Variants in OR2L3 observed in about 807,000 individuals in gnomAD.
OR2L3 encodes olfactory receptor family 2 subfamily L member 3.
For missense variants in OR2L3, 369 were observed against 376.6 expected (o/e 0.98, Z 0.17); for synonymous variants, 131 against 139.1 (o/e 0.94, Z 0.41).
chr1:248,052,517 A>G (rs1663293256), intron 1 of OR2L3, among the ~76,000 whole-genome samples: 1 of 152,142 alleles, frequency 6.6e-6, no homozygotes, highest in Admixed American at 6.6e-5. Context: ...TCACAAGGTA[A>G]GGAGGTTGAG....
Position 248,061,374 on chromosome 1 carries a change from A to G in OR2L3, c.693A>G (p.Glu231=), listed in dbSNP as rs773158881. Residue 231 remains glutamate, a synonymous_variant, in exon 2 of 2, where the codon GAA becomes GAG. Transcript: ENST00000359959. ...LLAVYHMKSA[E]GRKKAYLTCS... ...CTGTCTACCACATGAAATCTGCAGAAGGGAGGAAGAAAGCCTACCTGACCT... is the reference window on the plus strand; with the variant it reads ...CTGTCTACCACATGAAATCTGCAGAGGGGAGGAAGAAAGCCTACCTGACCT... 5 of 1,614,092 alleles carry G rather than the reference A, an allele frequency of 3.1e-6. No individual in the cohort carries two copies. The East Asian group carries it at 8.9e-5, about 29-fold the overall frequency.
intron 1 of OR2L3, among the ~76,000 whole-genome samples, chr1:248,058,413 A>G (rs901591302): frequency 1.3e-5 from 2 of 152,048 alleles, no homozygotes; most frequent in African/African-American, 4.8e-5. Context: ...CACTTCTCCC[A>G]TTGTCACAGC....
chr1:248,061,822 T>A lies in OR2L3; in HGVS notation c.*202T>A. The A allele has an allele frequency of 2.3e-6, 1 of 430,618 alleles. No homozygotes were observed. 26.7% of individuals were successfully genotyped at this position (430,618 alleles called of 1,614,324 possible). A position where few individuals can be genotyped will look rare whatever the true frequency, so the allele number is the denominator to read the frequency against. On this transcript the variant is annotated 3_prime_UTR_variant, in exon 2 of 2. Transcript: ENST00000359959. ...ACAACCTTTTTTCTTCATGGCATTG[T>A]TTCCATAAATTTTGAAAGCACCTAC...
At position 248,050,843 on chromosome 1, in the gene OR2L3, G is replaced by A. The variant is rs1481177456; in HGVS notation, c.-22+3963G>A. On this transcript the variant is annotated intron_variant, in intron 1 of 1. Transcript: ENST00000359959. Reference sequence around the variant, plus strand: ...TTCCAAATGACATTTATGAAAATTTGCTCTTCTAAATTTTTTTTCAAAAAT... The same window carrying A: ...TTCCAAATGACATTTATGAAAATTTACTCTTCTAAATTTTTTTTCAAAAAT... Among the ~76,000 whole-genome samples, 3 of 151,984 alleles carry A rather than the reference G, an allele frequency of 2.0e-5. No individual in the cohort carries two copies. In the East Asian group the frequency reaches 5.8e-4, roughly 29 times the overall value.
Position 248,062,809 on chromosome 1 carries a change from A to T in OR2L3, c.*1189A>T, listed in dbSNP as rs1286668278. 1 of 152,240 alleles carries T rather than the reference A, an allele frequency of 6.6e-6. No homozygotes were observed. The highest frequency in any genetic ancestry group is 2.4e-5 in the African/African-American group (1 of 41,466). The allele number at this position is 152,240 out of a possible 1,614,324, so 9.4% of individuals were successfully genotyped here. A position where few individuals can be genotyped will look rare whatever the true frequency, so the allele number is the denominator to read the frequency against. ...CCCCGATTAACCCGATTTGATCATT[A>T]TGCATTGTATGCCTTTATCAAAGCA... On this transcript the variant is annotated 3_prime_UTR_variant, in exon 2 of 2. Coordinates refer to ENST00000359959, the MANE Select transcript of OR2L3 (RefSeq NM_001004687.2).
chr1:248,047,222 C>G (rs1471323312), intron 1 of OR2L3, among the ~76,000 whole-genome samples: 1 of 152,158 alleles, frequency 6.6e-6, no homozygotes, highest in Non-Finnish European at 1.5e-5. Flanking sequence ...AGCATTTCCT[C>G]ATTCCTACTT....
intron 1 of OR2L3, among the ~76,000 whole-genome samples, chr1:248,060,118 T>G (rs1480293122): frequency 6.6e-6 from 1 of 152,196 alleles, no homozygotes; most frequent in African/African-American, 2.4e-5. Flanking sequence ...AATATAAATC[T>G]AAATGTATGC....
chr1:248,062,723 GAA>G lies in OR2L3; in HGVS notation c.*1105_*1106del, dbSNP rs1398979707. On this transcript the variant is annotated 3_prime_UTR_variant, in exon 2 of 2. Coordinates refer to ENST00000359959, the MANE Select transcript of OR2L3 (RefSeq NM_001004687.2). ...TTATTGTATGTATTAAAGAATAACT[GAA>G]AGAGTGGAATTGGAATGTTCCCAAC... 1 of 152,148 alleles carries G rather than the reference GAA, an allele frequency of 6.6e-6. No homozygotes were observed. The highest frequency in any genetic ancestry group is 1.5e-5 in the Non-Finnish European group (1 of 68,006). 9.4% of individuals were successfully genotyped at this position (152,148 alleles called of 1,614,324 possible).
At chr1:248,054,821 T>C (rs772230474) in intron 1 of OR2L3, among the ~76,000 whole-genome samples, 3 of 152,222 alleles carry the variant, frequency 2.0e-5, no homozygotes, top group Non-Finnish European at 4.4e-5. Flanking sequence ...AATTTGCTTA[T>C]CAGCTTAAGA....
At chr1:248,057,628 T>C (rs1463455263) in intron 1 of OR2L3, among the ~76,000 whole-genome samples, 1 of 152,188 alleles carries the variant, frequency 6.6e-6, no homozygotes, top group Non-Finnish European at 1.5e-5. Context: ...TTGATAAATA[T>C]ATAGGATGCA....
At position 248,061,327 on chromosome 1, in the gene OR2L3, T is replaced by G. The variant is rs1474374348; in HGVS notation, c.646T>G (p.Ser216Ala). The change falls in exon 2 of 2, where the codon TCC becomes GCC. Residue 216 changes from serine to alanine, a missense_variant. Physicochemically the swap from Ser to Ala is moderately conservative, Grantham distance 99. Transcript: ENST00000359959. ...GTTTCCCTTCATTGCTATTTCATGT[T>G]CCTATGGCCGGGTTCTCCTTGCTGT... is the stretch of plus-strand genomic sequence containing the variant. ...LVFPFIAISC[S>A]YGRVLLAVYH... is the part of the protein sequence containing the mutation. 16 of 1,613,832 alleles carry G rather than the reference T, an allele frequency of 9.9e-6. No individual in the cohort carries two copies. Among genetic ancestry groups the G allele is most frequent in the Non-Finnish European group, 1.4e-5 (16 of 1,179,994 alleles).
At chr1:248,053,543 A>G (rs1002378572) in intron 1 of OR2L3, among the ~76,000 whole-genome samples, 3 of 152,334 alleles carry the variant, frequency 2.0e-5, no homozygotes, top group Non-Finnish European at 4.4e-5. Context: ...GTCTTCCACG[A>G]TGGGTGAACT....
chr1:248,057,829 T>C (rs956223398), intron 1 of OR2L3, among the ~76,000 whole-genome samples: 2 of 152,224 alleles, frequency 1.3e-5, no homozygotes, highest in Admixed American at 6.5e-5. Context: ...CAGATTCTGG[T>C]TGTTGATGTT....
chr1:248,058,934 TA>T (rs1411608507), intron 1 of OR2L3, among the ~76,000 whole-genome samples: 2 of 152,230 alleles, frequency 1.3e-5, no homozygotes, highest in East Asian at 3.9e-4. Flanking sequence ...TTTCACTTAA[TA>T]TTTTTTATCA....
chr1:248,053,799 G>T (rs1663349021), intron 1 of OR2L3, among the ~76,000 whole-genome samples: 1 of 151,988 alleles, frequency 6.6e-6, no homozygotes. Context: ...CAATTTTAAT[G>T]GGGTTGTTTG....
At position 248,061,284 on chromosome 1, in the gene OR2L3, C is replaced by T. The variant is rs60429598; in HGVS notation, c.603C>T (p.Ser201=). Residue 201 remains serine (S), a synonymous_variant, in exon 2 of 2, where the codon AGC becomes AGT. Transcript: ENST00000359959. ...TWVYEGTVFL[S]TTIFLVFPFI... ...TCTATGAGGGCACAGTGTTTTTGAG[C>T]ACCACCATCTTTCTCGTGTTTCCCT... The T allele has an allele frequency of 0.053, 83,407 of 1,569,424 alleles. 7,089 individuals carry two copies. The highest frequency in any genetic ancestry group is 0.23 in the East Asian group (10,115 of 43,320).
intron 1 of OR2L3, 121 bp downstream of exon 1, chr1:248,047,001 G>T (rs1257714703): frequency 6.6e-6 from 1 of 152,178 alleles, no homozygotes; most frequent in Non-Finnish European, 1.5e-5. Context: ...ACTAATAACT[G>T]TACTTTCTAT....
intron 1 of OR2L3, among the ~76,000 whole-genome samples, chr1:248,055,541 A>G (rs1663406583): frequency 6.6e-6 from 1 of 152,166 alleles, no homozygotes; most frequent in African/African-American, 2.4e-5. Context: ...GGATCAACAG[A>G]AGTCTGGAGT....
chr1:248,057,915 C>T (rs7549265), intron 1 of OR2L3, among the ~76,000 whole-genome samples: 147,145 of 152,278 alleles, frequency 0.97, 71,293 homozygotes, highest in Middle Eastern at 1. Flanking sequence ...CATATGCAAA[C>T]AGAAATAATT....
Sources: allele counts gnomAD v4.1 joint callset (sites outside exome capture counted in the v4.1 genomes callset), GRCh38; gene constraint gnomAD v4.1.1; transcripts MANE v1.5; gene names NCBI Gene and HGNC (gene_info 2026-07-23, HGNC 2026-07-21).